TUBB2A: variants seen among roughly 807,000 people sequenced by gnomAD.
The protein encoded by TUBB2A is tubulin beta-2A chain.
In TUBB2A, 7 loss-of-function variants were observed where a neutral mutation model predicts 33.9. The observed-to-expected ratio is 0.21, with a 90% CI of 0.12 to 0.39. The LOEUF is 0.39. TUBB2A is among the 10% of genes least tolerant of loss of function. TUBB2A has a pLI of 1.00. For synonymous variants in TUBB2A, 187 were observed against 247.6 expected (o/e 0.76, Z 2.30); for missense variants, 80 against 593.4 (o/e 0.13, Z 8.99).
rs1183730966 is a variant in TUBB2A, at chr6:3,155,148, TGAGG to T, written c.278-229_278-226del. 11 of 1,257,192 alleles carry T rather than the reference TGAGG, an allele frequency of 8.7e-6. No homozygotes were observed. Among genetic ancestry groups the T allele is most frequent in the Non-Finnish European group, 1.1e-5 (10 of 933,446 alleles). 77.9% of individuals were successfully genotyped at this position (1,257,192 alleles called of 1,614,324 possible). On this transcript the variant is annotated intron_variant, in intron 3 of 3. Transcript: ENST00000333628. The surrounding 1 kb of genome is among the most constrained non-coding windows in gnomAD (Gnocchi z 4.2). ...GTTTAGCTCATCTGAGGCTATTGAT[TGAGG>T]AAGAGGATAGGGTTAGAAAACTTAA...
chr6:3,155,822 A>G lies in TUBB2A; in HGVS notation c.167-87T>C. 2 of 1,368,746 alleles carry G rather than the reference A, an allele frequency of 1.5e-6. No individual in the cohort carries two copies. The highest frequency in any genetic ancestry group is 4.3e-5 in the Admixed American group (2 of 46,948). The allele number at this position is 1,368,746 out of a possible 1,614,324, so 84.8% of individuals were successfully genotyped here. A position where few individuals can be genotyped will look rare whatever the true frequency, so the allele number is the denominator to read the frequency against. ...TTCCAGCATCTGAGACAAAAGGAGAACAGGAGATTTTCTGCTTTTAAGAAA... is the reference window on the plus strand; with the variant it reads ...TTCCAGCATCTGAGACAAAAGGAGAGCAGGAGATTTTCTGCTTTTAAGAAA... On this transcript the variant is annotated intron_variant, in intron 2 of 3. Transcript: ENST00000333628. The surrounding 1 kb of genome is among the most constrained non-coding windows in gnomAD (Gnocchi z 4.2).
At chr6:3,156,865 GTC>G (rs1762644036) in intron 1 of TUBB2A, among the ~76,000 whole-genome samples, 1 of 152,258 alleles carries the variant, frequency 6.6e-6, no homozygotes, top group East Asian at 1.9e-4. Context: ...CCACACAGCG[GTC>G]GGTAATTGCA....
Position 3,153,758 on chromosome 6 carries a change from A to C in TUBB2A, c.*105T>G. The C allele has an allele frequency of 6.5e-7, 1 of 1,534,376 alleles. No homozygotes were observed. Among genetic ancestry groups the C allele is most frequent in the Non-Finnish European group, 8.9e-7 (1 of 1,129,792 alleles). On this transcript the variant is annotated 3_prime_UTR_variant, in exon 4 of 4. Transcript: ENST00000333628. ...TCCACATCATTACATCAACAGTGTGAATTTCTAACAGAGGCAAAACTGAGC... is the reference window on the plus strand; with the variant it reads ...TCCACATCATTACATCAACAGTGTGCATTTCTAACAGAGGCAAAACTGAGC...
In TUBB2A at chr6:3,155,438, G is replaced by A. The variant is rs1370527048; in HGVS notation, c.277+187C>T. 6.6e-6 allele frequency among the ~76,000 whole-genome samples: 1 copy of A among 152,194 alleles called. No homozygotes were observed. Among genetic ancestry groups the A allele is most frequent in the Non-Finnish European group, 1.5e-5 (1 of 68,028 alleles). On this transcript the variant is annotated intron_variant, in intron 3 of 3. Transcript: ENST00000333628. This position sits in a 1 kb window ranked among gnomAD's most constrained non-coding sequence, Gnocchi z 4.2. ...GCTCTGCAATGGGAGGGCTGCAGCAGCCCTCTGCAGGCTGGCGTTGATCTG... is the reference window on the plus strand; with the variant it reads ...GCTCTGCAATGGGAGGGCTGCAGCAACCCTCTGCAGGCTGGCGTTGATCTG...
In TUBB2A at chr6:3,153,974, G is replaced by A. The variant is rs1028233753; in HGVS notation, c.1227C>T (p.Thr409=). The change falls in exon 4 of 4, where the codon ACC becomes ACT. Residue 409 remains threonine (T), a synonymous_variant. Coordinates refer to ENST00000333628, the MANE Select transcript of TUBB2A (RefSeq NM_001069.3). The stretch of plus-strand genomic sequence containing the variant: ...GGTCGTTCATGTTGCTCTCGGCCTC[G>A]GTGAACTCCATCTCGTCCATGCCCT... ...TGEGMDEMEF[T]EAESNMNDLV... is the part of the protein sequence containing the mutation. 2.5e-6 allele frequency: 4 copies of A among 1,608,748 alleles called. No homozygotes were observed. Among genetic ancestry groups the A allele is most frequent in the Admixed American group, 1.7e-5 (1 of 59,414 alleles).
At position 3,157,504 on chromosome 6, in the gene TUBB2A, G is replaced by C. The variant is rs1195735825; in HGVS notation, c.-41C>G. ...GCGGGTGGCGCTGGCCCTCGGAGCG[G>C]TGCGCGGCGTGGACCGGCGGGCTGG... On this transcript the variant is annotated 5_prime_UTR_variant, in exon 1 of 4. Coordinates refer to ENST00000333628, the MANE Select transcript of TUBB2A (RefSeq NM_001069.3). The C allele has an allele frequency of 6.8e-7, 1 of 1,471,376 alleles. No homozygotes were observed. The highest frequency in any genetic ancestry group is 9.0e-7 in the Non-Finnish European group (1 of 1,115,440). The allele number at this position is 1,471,376 out of a possible 1,614,324, so 91.1% of individuals were successfully genotyped here. A position where few individuals can be genotyped will look rare whatever the true frequency, so the allele number is the denominator to read the frequency against.
At position 3,154,814 on chromosome 6, in the gene TUBB2A, A is replaced by G. The variant is rs1762604461; in HGVS notation, c.387T>C (p.Cys129=). Reference sequence around the variant, plus strand: ...AGTGGGTCAGCTGGAAGCCCTGGAGACAGTCACAGCTCTCTGACTCCTTCC... The same window carrying G: ...AGTGGGTCAGCTGGAAGCCCTGGAGGCAGTCACAGCTCTCTGACTCCTTCC... The part of the protein sequence containing the change: ...VVRKESESCD[C]LQGFQLTHSL... Residue 129 remains cysteine (C), a synonymous_variant, in exon 4 of 4, where the codon TGT becomes TGC. Coordinates refer to ENST00000333628, the MANE Select transcript of TUBB2A (RefSeq NM_001069.3). 6.2e-7 allele frequency: 1 copy of G among 1,610,956 alleles called. No individual in the cohort carries two copies. The highest frequency in any genetic ancestry group is 1.1e-5 in the South Asian group (1 of 90,998).
Position 3,155,431 on chromosome 6 carries a change from T to A in TUBB2A, c.277+194A>T, listed in dbSNP as rs6930965. ...TGAGGCTGCTCTGCAATGGGAGGGC[T>A]GCAGCAGCCCTCTGCAGGCTGGCGT... On this transcript the variant is annotated intron_variant, in intron 3 of 3. Transcript: ENST00000333628. This position sits in a 1 kb window ranked among gnomAD's most constrained non-coding sequence, Gnocchi z 4.2. Among the ~76,000 whole-genome samples, 3,898 of 152,302 alleles carry A rather than the reference T, an allele frequency of 0.026. 175 individuals are homozygous for A. Among genetic ancestry groups the A allele is most frequent in the African/African-American group, 0.088 (3,660 of 41,538 alleles).
At chr6:3,156,861 A>T (rs1348560919) in intron 1 of TUBB2A, among the ~76,000 whole-genome samples, 3 of 151,450 alleles carry the variant, frequency 2.0e-5, no homozygotes, top group East Asian at 1.9e-4. Context: ...CCTCCCACAC[A>T]GCGGTCGGTA....
Position 3,157,516 on chromosome 6 carries a change from G to A in TUBB2A, c.-53C>T, listed in dbSNP as rs1762658120. On this transcript the variant is annotated 5_prime_UTR_variant, in exon 1 of 4. Transcript: ENST00000333628. ...GGCCCTCGGAGCGGTGCGCGGCGTGGACCGGCGGGCTGGGCTGCGCAGAGA... is the reference window on the plus strand; with the variant it reads ...GGCCCTCGGAGCGGTGCGCGGCGTGAACCGGCGGGCTGGGCTGCGCAGAGA... 18 of 1,446,686 alleles carry A rather than the reference G, an allele frequency of 1.2e-5. No individual in the cohort carries two copies. The highest frequency in any genetic ancestry group is 1.5e-5 in the Non-Finnish European group (17 of 1,103,388). 89.6% of individuals were successfully genotyped at this position (1,446,686 alleles called of 1,614,324 possible). A position where few individuals can be genotyped will look rare whatever the true frequency, so the allele number is the denominator to read the frequency against.
rs145184832 is a variant in TUBB2A at position 3,154,421 on chromosome 6, G to A, written c.780C>T (p.Phe260=). The change falls in exon 4 of 4, where the codon TTC becomes TTT. Residue 260 remains phenylalanine (F), a synonymous_variant. Coordinates refer to ENST00000333628, the MANE Select transcript of TUBB2A (RefSeq NM_001069.3). ...CGGGCATGAAGAAGTGCAGGCGAGG[G>A]AAGGGCACCATGTTCACCGCCAGCT... is the stretch of plus-strand genomic sequence containing the variant. ...LRKLAVNMVP[F]PRLHFFMPGF... 6.0e-3 allele frequency: 9,249 copies of A among 1,547,278 alleles called. 56 individuals are homozygous for A. The highest frequency in any genetic ancestry group is 7.6e-3 in the Non-Finnish European group (8,682 of 1,149,184).
chr6:3,154,995 G>A, intron 3 of TUBB2A, 72 bp from the exon 4 acceptor site: 2 of 1,596,116 alleles, frequency 1.3e-6, no homozygotes, highest in Middle Eastern at 1.9e-4. Context: ...TGACTATGGA[G>A]GAGAAGGTAG....
rs1266459347 is a variant in TUBB2A at position 3,154,751 on chromosome 6, C to A, written c.450G>T (p.Leu150=). 1 of 1,610,342 alleles carries A rather than the reference C, an allele frequency of 6.2e-7. No homozygotes were observed. The highest frequency in any genetic ancestry group is 8.5e-7 in the Non-Finnish European group (1 of 1,177,896). Reference sequence around the variant, plus strand: ...ACTCTTCCCGGATCTTGCTGATGAGCAGGGTGCCCATCCCGGACCCCGTGC... The same window carrying A: ...ACTCTTCCCGGATCTTGCTGATGAGAAGGGTGCCCATCCCGGACCCCGTGC... The part of the protein sequence containing the change: ...GGGTGSGMGT[L]LISKIREEYP... The change falls in exon 4 of 4, where the codon CTG becomes CTT. Residue 150 remains leucine (L), a synonymous_variant. Coordinates refer to ENST00000333628, the MANE Select transcript of TUBB2A (RefSeq NM_001069.3).
Position 3,154,723 on chromosome 6 carries a change from G to A in TUBB2A, c.478C>T (p.Pro160Ser). 1 of 1,611,838 alleles carries A rather than the reference G, an allele frequency of 6.2e-7. No individual in the cohort carries two copies. The highest frequency in any genetic ancestry group is 8.5e-7 in the Non-Finnish European group (1 of 1,178,896). ...CTGAAGGTGTTCATGATGCGGTCTGGGTACTCTTCCCGGATCTTGCTGATG... is the reference window on the plus strand; with the variant it reads ...CTGAAGGTGTTCATGATGCGGTCTGAGTACTCTTCCCGGATCTTGCTGATG... ...LLISKIREEY[P>S]DRIMNTFSVM... The change falls in exon 4 of 4, where the codon CCA becomes TCA. Residue 160 changes from proline to serine, a missense_variant. Coordinates refer to ENST00000333628, the MANE Select transcript of TUBB2A (RefSeq NM_001069.3).
At position 3,155,016 on chromosome 6, in the gene TUBB2A, A is replaced by T. The variant is rs1762607488; in HGVS notation, c.278-93T>A. The T allele has an allele frequency of 7.0e-6, 11 of 1,567,062 alleles. No homozygotes were observed. Among genetic ancestry groups the T allele is most frequent in the South Asian group, 1.1e-5 (1 of 87,082 alleles). ...TGGAGGAGAAGGTAGGACTGGTCTT[A>T]GACTGGCAGATTCTTCTCTTTTGAA... On this transcript the variant is annotated intron_variant, in intron 3 of 3. Coordinates refer to ENST00000333628, the MANE Select transcript of TUBB2A (RefSeq NM_001069.3). The surrounding 1 kb of genome is among the most constrained non-coding windows in gnomAD (Gnocchi z 4.2).
At chr6:3,156,186 C>A (rs557248852) in intron 1 of TUBB2A, 34 bp from the exon 2 acceptor site, 1 of 1,613,484 alleles carries the variant, frequency 6.2e-7, no homozygotes, top group Non-Finnish European at 8.5e-7. Flanking sequence ...CATGGCTCTG[C>A]ATCCTGAATG....
chr6:3,154,283 G>A lies in TUBB2A; in HGVS notation c.918C>T (p.Arg306=). ...SKNMMAACDP[R]HGRYLTVAAI... ...CAGCCACCGTCAGGTAGCGGCCGTG[G>A]CGCGGGTCGCAGGCGGCCATCATGT... Residue 306 remains arginine (R), a synonymous_variant, in exon 4 of 4, where the codon CGC becomes CGT. Coordinates refer to ENST00000333628, the MANE Select transcript of TUBB2A (RefSeq NM_001069.3). The A allele has an allele frequency of 1.2e-6, 1 of 829,436 alleles. No homozygotes were observed. Among genetic ancestry groups the A allele is most frequent in the East Asian group, 2.8e-5 (1 of 35,882 alleles). The allele number at this position is 829,436 out of a possible 1,614,324, so 51.4% of individuals were successfully genotyped here.
rs1427097125 is a variant in TUBB2A at position 3,155,613 on chromosome 6, A to G, written c.277+12T>C. 3.7e-6 allele frequency: 6 copies of G among 1,604,144 alleles called. No individual in the cohort carries two copies. Among genetic ancestry groups the G allele is most frequent in the Admixed American group, 1.7e-5 (1 of 59,050 alleles). The stretch of plus-strand genomic sequence containing the variant: ...GTCATTTGGCCAGTTCCCAGTGATC[A>G]TGACTACATACCGAACACGAAGTTG... On this transcript the variant is annotated intron_variant, in intron 3 of 3. Transcript: ENST00000333628. The surrounding 1 kb of genome is among the most constrained non-coding windows in gnomAD (Gnocchi z 4.2).
In TUBB2A at chr6:3,155,745, A is replaced by G. The variant is rs1428159685; in HGVS notation, c.167-10T>C. 2 of 1,607,178 alleles carry G rather than the reference A, an allele frequency of 1.2e-6. No individual in the cohort carries two copies. Among genetic ancestry groups the G allele is most frequent in the Admixed American group, 3.3e-5 (2 of 59,968 alleles). ...GGTACATATTTGTTACCTGCAGGAA[A>G]TAAGAACTGACTCAGGCCTGTGCTT... On this transcript the variant is annotated splice_polypyrimidine_tract_variant and intron_variant, in intron 2 of 3. Coordinates refer to ENST00000333628, the MANE Select transcript of TUBB2A (RefSeq NM_001069.3). This position sits in a 1 kb window ranked among gnomAD's most constrained non-coding sequence, Gnocchi z 4.2.
Sources: gnomAD v4.1 joint callset for allele counts (sites outside exome capture counted in the v4.1 genomes callset) on GRCh38, gnomAD v4.1.1 for gene constraint, Gnocchi (gnomAD v3.1) non-coding constraint, MANE v1.5 for transcripts, NCBI Gene and HGNC (gene_info 2026-07-23, HGNC 2026-07-21) for gene names.